The following ZNF490 variants were observed in gnomAD, a reference collection of about 807,000 sequenced individuals.
The protein encoded by ZNF490 is zinc finger protein 490.
Under a neutral mutation model 17.7 loss-of-function variants are expected in ZNF490, and 11 were observed. The ratio of observed to expected loss-of-function variants is 0.62; its 90% CI spans 0.39 to 1.03. ZNF490 has a LOEUF of 1.03. Ranked by LOEUF, ZNF490 falls within the 50% of genes least tolerant of loss-of-function variation. ZNF490 has a pLI of 0.00. For missense variants in ZNF490, 542 were observed against 643.4 expected (o/e 0.84, Z 1.71); for synonymous variants, 222 against 216.1 (o/e 1.03, Z -0.24).
rs532958411 is a variant in ZNF490, at chr19:12,586,680, T to A, written c.163-3124A>T. ...TGCTGGAATTATCAGACCAGAAATT[T>A]ATTTCTTTTCTTTTTTTTTTGAGAC... On this transcript the variant is annotated intron_variant, in intron 2 of 4. Transcript: ENST00000311437. 2.1e-5 allele frequency among the ~76,000 whole-genome samples: 2 copies of A among 94,520 alleles called. 1 individual carries two copies. The highest frequency in any genetic ancestry group is 6.3e-5 in the African/African-American group (2 of 31,774). The allele number at this position is 94,520 out of a possible 152,430, so 62.0% of individuals were successfully genotyped here. A position where few individuals can be genotyped will look rare whatever the true frequency, so the allele number is the denominator to read the frequency against.
At chr19:12,583,049 T>A in intron 3 of ZNF490, 139 bp from the exon 4 acceptor site, 3 of 736,744 alleles carry the variant, frequency 4.1e-6, no homozygotes, top group Non-Finnish European at 6.2e-6. Context: ...TCCCACATTT[T>A]TTTTTTTTTT....
In ZNF490 at chr19:12,581,498, G is replaced by C. The variant is rs757361604; in HGVS notation, c.577C>G (p.Pro193Ala). ...PNECHEYGEK[P>A]HKCKECGKTF... ...TTCCCACATTCTTTGCATTTATGTG[G>C]CTTCTCTCCATATTCGTGACACTCA... is the stretch of plus-strand genomic sequence containing the variant. The change falls in exon 5 of 5, where the codon CCA becomes GCA. Residue 193 changes from proline (P) to alanine (A), a missense_variant. By Grantham distance (27) the Pro-to-Ala change is conservative. Transcript: ENST00000311437. 3 of 1,614,052 alleles carry C rather than the reference G, an allele frequency of 1.9e-6. No homozygotes were observed. The East Asian group carries it at 6.7e-5, about 36-fold the overall frequency.
chr19:12,578,911 C>T lies in ZNF490; in HGVS notation c.*1574G>A. The stretch of plus-strand genomic sequence containing the variant: ...TGTCATTGAAGATGTTCCCATATTG[C>T]TTACATTTAAGAAGGTGGCTCTCCA... On this transcript the variant is annotated 3_prime_UTR_variant, in exon 5 of 5. Transcript: ENST00000311437. 1 of 985,428 alleles carries T rather than the reference C, an allele frequency of 1.0e-6. No homozygotes were observed. Among genetic ancestry groups the T allele is most frequent in the Non-Finnish European group, 1.2e-6 (1 of 829,946 alleles). 61.0% of individuals were successfully genotyped at this position (985,428 alleles called of 1,614,324 possible).
rs1313715333 is a variant in ZNF490, at chr19:12,584,345, A to G, written c.163-789T>C. On this transcript the variant is annotated intron_variant, in intron 2 of 4. Coordinates refer to ENST00000311437, the MANE Select transcript of ZNF490 (RefSeq NM_020714.3). ...CTAATTTTTTGTATTTTTAGTAGAG[A>G]CGGGGTTTCACCATGTTAGCCAGGA... Among the ~76,000 whole-genome samples the G allele has an allele frequency of 5.8e-5, 5 of 86,882 alleles. 2 individuals are homozygous for G. Among genetic ancestry groups the G allele is most frequent in the Middle Eastern group, 0.011 (2 of 174 alleles). The allele number at this position is 86,882 out of a possible 152,430, so 57.0% of individuals were successfully genotyped here.
chr19:12,590,339 C>G (rs1334724677), intron 2 of ZNF490, among the ~76,000 whole-genome samples: 1 of 151,948 alleles, frequency 6.6e-6, no homozygotes, highest in African/African-American at 2.4e-5. Context: ...GCCTCAGCCT[C>G]CTGAGTAGCT....
rs542154440 is a variant in ZNF490, at chr19:12,578,133, A to G, written c.*2352T>C. ...TAAGTGCTAGTCTTAGCGGGAGGCT[A>G]GGAAACCAGTCCTGGAGCAGGATGC... On this transcript the variant is annotated 3_prime_UTR_variant, in exon 5 of 5. Coordinates refer to ENST00000311437, the MANE Select transcript of ZNF490 (RefSeq NM_020714.3). 14 of 985,544 alleles carry G rather than the reference A, an allele frequency of 1.4e-5. No individual in the cohort carries two copies. The East Asian group carries it at 4.5e-4, about 32-fold the overall frequency. 61.0% of individuals were successfully genotyped at this position (985,544 alleles called of 1,614,324 possible). A position where few individuals can be genotyped will look rare whatever the true frequency, so the allele number is the denominator to read the frequency against.
chr19:12,606,976 C>T (rs1375431012), intron 2 of ZNF490, among the ~76,000 whole-genome samples: 1 of 152,118 alleles, frequency 6.6e-6, no homozygotes. Context: ...AATCATACCT[C>T]CCATCTTGCA....
At chr19:12,603,219 TG>T (rs1257454309) in intron 2 of ZNF490, among the ~76,000 whole-genome samples, 13 of 152,054 alleles carry the variant, frequency 8.5e-5, no homozygotes, top group Admixed American at 8.5e-4. Flanking sequence ...TTAAAATATT[TG>T]GGCTGCCTGT....
chr19:12,606,795 TA>T (rs1307492923), intron 2 of ZNF490, among the ~76,000 whole-genome samples: 12 of 152,112 alleles, frequency 7.9e-5, no homozygotes, highest in African/African-American at 2.7e-4. Context: ...TTCCATATGG[TA>T]GATTTCCAGC....
At chr19:12,609,379 G>T (rs1305385736) in intron 1 of ZNF490, among the ~76,000 whole-genome samples, 177 bp from the exon 2 acceptor site, 3 of 152,072 alleles carry the variant, frequency 2.0e-5, no homozygotes, top group African/African-American at 7.2e-5. Context: ...TGGGAAAAAT[G>T]AAATATGTTT....
intron 2 of ZNF490, among the ~76,000 whole-genome samples, chr19:12,606,637 A>C (rs2023071776): frequency 6.6e-6 from 1 of 151,474 alleles, no homozygotes; most frequent in Admixed American, 6.6e-5. Flanking sequence ...GAGCCACTGC[A>C]CCTGGCCAAT....
At chr19:12,586,627 T>C (rs1483789984) in intron 2 of ZNF490, among the ~76,000 whole-genome samples, 2 of 94,108 alleles carry the variant, frequency 2.1e-5, no homozygotes, top group East Asian at 4.1e-4. Context: ...AGTGCAGGCA[T>C]CAGAACCAGA....
Position 12,580,211 on chromosome 19 carries a change from T to C in ZNF490, c.*274A>G, listed in dbSNP as rs2022708512. Reference sequence around the variant, plus strand: ...TATATTCTCAGGTGTCTTTAAAAGATTACGTGAAGTGAAGGCTTTCCTACA... The same window carrying C: ...TATATTCTCAGGTGTCTTTAAAAGACTACGTGAAGTGAAGGCTTTCCTACA... On this transcript the variant is annotated 3_prime_UTR_variant, in exon 5 of 5. Coordinates refer to ENST00000311437, the MANE Select transcript of ZNF490 (RefSeq NM_020714.3). The C allele has an allele frequency of 8.4e-7, 1 of 1,193,128 alleles. No individual in the cohort carries two copies. Among genetic ancestry groups the C allele is most frequent in the African/African-American group, 1.5e-5 (1 of 64,538 alleles). 73.9% of individuals were successfully genotyped at this position (1,193,128 alleles called of 1,614,324 possible). A position where few individuals can be genotyped will look rare whatever the true frequency, so the allele number is the denominator to read the frequency against.
chr19:12,600,815 GAA>G (rs779209836), intron 2 of ZNF490, among the ~76,000 whole-genome samples: 35 of 152,240 alleles, frequency 2.3e-4, no homozygotes, highest in Non-Finnish European at 3.5e-4. Context: ...TCAGAATAGA[GAA>G]AAAATGTTCA....
At chr19:12,602,680 AGTG>A (rs1356711524) in intron 2 of ZNF490, among the ~76,000 whole-genome samples, 1 of 150,848 alleles carries the variant, frequency 6.6e-6, no homozygotes, top group African/African-American at 2.4e-5. Context: ...GCTAGAGTAC[AGTG>A]GTGTGATCTC....
chr19:12,610,652 T>A lies in ZNF490; in HGVS notation c.29A>T (p.Gln10Leu). The change falls in exon 1 of 5, where the codon CAG (glutamine) becomes CTG (leucine). Residue 10 changes from glutamine (Q) to leucine (L), a missense_variant. By Grantham distance (113) the Gln-to-Leu change is moderately radical. Coordinates refer to ENST00000311437, the MANE Select transcript of ZNF490 (RefSeq NM_020714.3). MRRNSSLSFQMERPLEEQVQ... is the reference protein window; with the variant it reads MRRNSSLSFLMERPLEEQVQ... Reference sequence around the variant, plus strand: ...TTGCTCCTCGAGGGGTCGCTCCATCTGGAAACTGAGACTGGAATTCCTGCG... The same window carrying A: ...TTGCTCCTCGAGGGGTCGCTCCATCAGGAAACTGAGACTGGAATTCCTGCG... 1.2e-6 allele frequency: 2 copies of A among 1,613,956 alleles called. No individual in the cohort carries two copies. Among genetic ancestry groups the A allele is most frequent in the African/African-American group, 1.3e-5 (1 of 74,994 alleles).
chr19:12,584,560 A>G (rs546132315), intron 2 of ZNF490, among the ~76,000 whole-genome samples: 1 of 92,478 alleles, frequency 1.1e-5, no homozygotes, highest in East Asian at 2.1e-4. Context: ...CGTGAGAAAA[A>G]CTCTTTCATT....
intron 2 of ZNF490, among the ~76,000 whole-genome samples, chr19:12,591,391 C>T (rs2022869492): frequency 6.6e-6 from 1 of 151,442 alleles, no homozygotes; most frequent in Non-Finnish European, 1.5e-5. Flanking sequence ...ATCCCCGCCG[C>T]CCCCCCAAAA....
In ZNF490 at chr19:12,581,593, C is replaced by T. The variant is rs1327270252; in HGVS notation, c.482G>A (p.Cys161Tyr). Reference sequence around the variant, plus strand: ...GACCTGATGCATGAAGACTTCCCCACACACACTGCAGTCACATGGTTTTAA... The same window carrying T: ...GACCTGATGCATGAAGACTTCCCCATACACACTGCAGTCACATGGTTTTAA... ...TGLKPCDCSVCGEVFMHQVSL... is the reference protein window; with the variant it reads ...TGLKPCDCSVYGEVFMHQVSL... Residue 161 changes from cysteine to tyrosine, a missense_variant, in exon 5 of 5, where the codon TGT becomes TAT. Transcript: ENST00000311437. 2 of 1,614,068 alleles carry T rather than the reference C, an allele frequency of 1.2e-6. No individual in the cohort carries two copies. Among genetic ancestry groups the T allele is most frequent in the Admixed American group, 1.7e-5 (1 of 59,990 alleles).
Sources: allele counts gnomAD v4.1 joint callset (sites outside exome capture counted in the v4.1 genomes callset), GRCh38; gene constraint gnomAD v4.1.1; transcripts MANE v1.5; gene names NCBI Gene and HGNC (gene_info 2026-07-23, HGNC 2026-07-21).